Variants in GPC5 observed in about 807,000 individuals in gnomAD.
GPC5 encodes glypican 5, also known as glypican-5.
GPC5 carries 47 observed loss-of-function variants against 53.9 expected under a neutral mutation model. The ratio of observed to expected loss-of-function variants is 0.87; its 90% CI spans 0.69 to 1.11. GPC5 has a LOEUF of 1.11. GPC5 is among the 50% of genes most tolerant of loss of function. The pLI is 0.00. For missense variants in GPC5, 748 were observed against 713.1 expected (o/e 1.05, Z -0.56); for synonymous variants, 286 against 263.3 (o/e 1.09, Z -0.84).
intron 6 of GPC5, among the ~76,000 whole-genome samples, chr13:92,092,513 A>C (rs1420818902): frequency 6.6e-6 from 1 of 152,210 alleles, no homozygotes. Context: ...TAAATAAGTG[A>C]AGGTAATCAA....
At chr13:92,132,811 T>C (rs927875936) in intron 6 of GPC5, among the ~76,000 whole-genome samples, 35 of 152,142 alleles carry the variant, frequency 2.3e-4, no homozygotes, top group African/African-American at 8.2e-4. Context: ...CCATAACATA[T>C]AATTCAATTT....
intron 6 of GPC5, among the ~76,000 whole-genome samples, chr13:91,917,067 C>T (rs921437834): frequency 1.3e-5 from 2 of 152,132 alleles, no homozygotes; most frequent in Admixed American, 1.3e-4. Context: ...ACCCAAAAGT[C>T]CAAGTCCAAA....
At chr13:91,445,547 T>A (rs1399449149) in intron 1 of GPC5, among the ~76,000 whole-genome samples, 1 of 152,236 alleles carries the variant, frequency 6.6e-6, no homozygotes, top group East Asian at 1.9e-4. Flanking sequence ...CGATCTCGGC[T>A]CACAGCAACC....
At chr13:92,660,262 T>C (rs1465630136) in intron 7 of GPC5, among the ~76,000 whole-genome samples, 2 of 152,236 alleles carry the variant, frequency 1.3e-5, no homozygotes, top group East Asian at 3.9e-4. Flanking sequence ...ATAGGATTCT[T>C]TGTATGAATA....
intron 6 of GPC5, chr13:92,059,756 T>A (rs556956600): frequency 4.6e-5 from 7 of 152,084 alleles, no homozygotes; most frequent in African/African-American, 1.7e-4. Flanking sequence ...TGCAGCCAGA[T>A]ATAAAATACG....
Position 91,598,646 on chromosome 13 carries a change from T to C in GPC5, c.326-94541T>C, listed in dbSNP as rs143070482. Among the ~76,000 whole-genome samples the C allele has an allele frequency of 2.2e-3, 332 of 152,160 alleles. 3 individuals carry two copies. The highest frequency in any genetic ancestry group is 7.6e-3 in the African/African-American group (314 of 41,560). On this transcript the variant is annotated intron_variant, in intron 2 of 7. Transcript: ENST00000377067. ...ATTGATTTCATATTAAATATATTTT[T>C]CTAAATGTCATATACTTTTAGAAAA...
Position 92,770,414 on chromosome 13 carries a change from CAA to C in GPC5, c.1562-95848_1562-95847del, listed in dbSNP as rs34087505. On this transcript the variant is annotated intron_variant, in intron 7 of 7. Coordinates refer to ENST00000377067, the MANE Select transcript of GPC5 (RefSeq NM_004466.6). ...TGGGTGACCTAGTGAGACCCTGTCTCAAAAAAAAAAAAAAAAAAAAAGCACCA... is the reference window on the plus strand; with the variant it reads ...TGGGTGACCTAGTGAGACCCTGTCTCAAAAAAAAAAAAAAAAAAAGCACCA... Among the ~76,000 whole-genome samples the C allele has an allele frequency of 5.5e-3, 422 of 76,866 alleles. 1 individual carries two copies. The highest frequency in any genetic ancestry group is 7.9e-3 in the Non-Finnish European group (333 of 42,010). The allele number at this position is 76,866 out of a possible 152,430, so 50.4% of individuals were successfully genotyped here.
At chr13:92,726,239 A>T (rs1253259708) in intron 7 of GPC5, among the ~76,000 whole-genome samples, 2 of 151,474 alleles carry the variant, frequency 1.3e-5, no homozygotes, top group African/African-American at 4.8e-5. Context: ...ATCTCCTGAA[A>T]CTATTAACTC....
chr13:92,800,845 A>T (rs901163400), intron 7 of GPC5, among the ~76,000 whole-genome samples: 2 of 151,828 alleles, frequency 1.3e-5, no homozygotes, highest in Admixed American at 6.6e-5. Context: ...GGAAAGTTAA[A>T]TTCTGCAACC....
chr13:92,591,115 A>G (rs1318259050), intron 7 of GPC5, among the ~76,000 whole-genome samples: 1 of 152,224 alleles, frequency 6.6e-6, no homozygotes, highest in African/African-American at 2.4e-5. Flanking sequence ...CAACCTTTAT[A>G]TGCTGATTGG....
chr13:91,975,017 G>A (rs1486582352), intron 6 of GPC5, among the ~76,000 whole-genome samples: 1 of 152,196 alleles, frequency 6.6e-6, no homozygotes, highest in East Asian at 1.9e-4. Context: ...CAAGCAATGG[G>A]GAAAGGATTC....
chr13:92,023,004 G>A (rs1425224488), intron 6 of GPC5, among the ~76,000 whole-genome samples: 1 of 151,916 alleles, frequency 6.6e-6, no homozygotes, highest in Non-Finnish European at 1.5e-5. Flanking sequence ...TTTATAGAAT[G>A]TTAATATTAC....
intron 7 of GPC5, among the ~76,000 whole-genome samples, chr13:92,327,976 T>C (rs956797588): frequency 6.6e-6 from 1 of 152,154 alleles, no homozygotes; most frequent in Admixed American, 6.6e-5. Flanking sequence ...TTTGAAACTT[T>C]TCCCAGCCAG....
At chr13:92,260,772 T>C (rs1260840081) in intron 7 of GPC5, among the ~76,000 whole-genome samples, 1 of 152,188 alleles carries the variant, frequency 6.6e-6, no homozygotes, top group Admixed American at 6.5e-5. Flanking sequence ...GAAAGACTGA[T>C]AAAACATCCA....
intron 7 of GPC5, among the ~76,000 whole-genome samples, chr13:92,399,537 AACACACAC>A (rs145691790): frequency 2.0e-5 from 3 of 152,060 alleles, no homozygotes; most frequent in Admixed American, 6.5e-5. Context: ...TTAACACACA[AACACACAC>A]ACACAAACTA....
At chr13:91,774,349 T>C (rs2037674577) in intron 5 of GPC5, among the ~76,000 whole-genome samples, 1 of 152,144 alleles carries the variant, frequency 6.6e-6, no homozygotes, top group African/African-American at 2.4e-5. Context: ...TTCTATGTGA[T>C]TTTAGCTTTC....
intron 2 of GPC5, among the ~76,000 whole-genome samples, chr13:91,456,596 A>G (rs1254807211): frequency 1.3e-5 from 2 of 152,012 alleles, no homozygotes; most frequent in Non-Finnish European, 2.9e-5. Flanking sequence ...TTTTCTAATT[A>G]ATGTGTGAAA....
intron 7 of GPC5, among the ~76,000 whole-genome samples, chr13:92,190,981 T>C (rs547626580): frequency 6.6e-6 from 1 of 152,148 alleles, no homozygotes; most frequent in Non-Finnish European, 1.5e-5. Flanking sequence ...AATACCCACT[T>C]TAAAATATAA....
intron 7 of GPC5, among the ~76,000 whole-genome samples, chr13:92,833,219 A>G (rs1878109773): frequency 6.6e-6 from 1 of 152,214 alleles, no homozygotes; most frequent in South Asian, 2.1e-4. Flanking sequence ...AGGCTAGATT[A>G]CTTACTTATA....
Sources: gnomAD v4.1 joint callset for allele counts (sites outside exome capture counted in the v4.1 genomes callset) on GRCh38, gnomAD v4.1.1 for gene constraint, MANE v1.5 for transcripts, NCBI Gene and HGNC (gene_info 2026-07-23, HGNC 2026-07-21) for gene names.